The following KCTD1 variants were observed in gnomAD, a reference collection of about 807,000 sequenced individuals.
KCTD1 encodes the protein BTB/POZ domain-containing protein KCTD1.
A neutral mutation model predicts 66.0 loss-of-function variants in KCTD1; 24 were observed. The observed-to-expected ratio is 0.36, with a 90% CI of 0.26 to 0.51. The LOEUF is 0.51. KCTD1 is among the 20% of genes least tolerant of loss of function. The pLI is 0.95. For missense variants in KCTD1, 943 were observed against 1,205.2 expected, an observed-to-expected ratio of 0.78 and a Z score of 3.22; for synonymous variants, 511 against 517.2, an observed-to-expected ratio of 0.99 and a Z score of 0.16.
Position 26,567,556 on chromosome 18 carries a change from C to T in KCTD1, c.-16+61591G>A, listed in dbSNP as rs7240106. On this transcript the variant is annotated intron_variant, in intron 1 of 4. Coordinates refer to the KCTD1 transcript ENST00000317932. ...AGGCTAGAGTGCAGTGGCATGATCT[C>T]GGCTCACTGCAACCTCCGCCTCCTG... is the stretch of plus-strand genomic sequence containing the variant. Among the ~76,000 whole-genome samples the T allele has an allele frequency of 4.7e-3, 709 of 149,722 alleles. 5 individuals carry two copies. The highest frequency in any genetic ancestry group is 0.017 in the African/African-American group (678 of 40,460).
chr18:26,575,364 C>T (rs1986200745), intron 1 of KCTD1: 1 of 152,196 alleles, frequency 6.6e-6, no homozygotes, highest in Admixed American at 6.6e-5. Flanking sequence ...TCCTGGGAAA[C>T]CACATGCAGC....
intron 1 of KCTD1, among the ~76,000 whole-genome samples, chr18:26,510,729 T>TAAAAAAA (rs1983289232): frequency 6.6e-6 from 1 of 152,354 alleles, no homozygotes; most frequent in Non-Finnish European, 1.5e-5. Flanking sequence ...TTCGCATGTT[T>TAAAAAAA]TTTTAAATTA....
In KCTD1 at chr18:26,547,371, G is replaced by C; in HGVS notation, c.1166C>G (p.Ala389Gly). 2 of 1,551,434 alleles carry C rather than the reference G, an allele frequency of 1.3e-6. No individual in the cohort carries two copies. The highest frequency in any genetic ancestry group is 1.7e-6 in the Non-Finnish European group (2 of 1,146,774). The change falls in exon 1 of 5, where the codon GCC becomes GGC. Residue 389 changes from alanine to glycine, a missense_variant. Coordinates refer to ENST00000580059, the MANE Select transcript of KCTD1 (RefSeq NM_001142730.3). ...TTTCGACAGGTACTTGACGAAGCTG[G>C]CGTAGGGGCAGAACTCGGTGCCCGT... Reference protein sequence around the residue: ...YETGTEFCPYASFVKYLSKRN... With the variant: ...YETGTEFCPYGSFVKYLSKRN...
intron 1 of KCTD1, among the ~76,000 whole-genome samples, chr18:26,621,095 A>C (rs1334027483): frequency 6.6e-6 from 1 of 152,184 alleles, no homozygotes; most frequent in Non-Finnish European, 1.5e-5. Context: ...CGCCTCCCAA[A>C]GTGCCGGGAT....
At chr18:26,650,559 G>A (rs1467415429) in intron 1 of KCTD1, among the ~76,000 whole-genome samples, 1 of 152,138 alleles carries the variant, frequency 6.6e-6, no homozygotes, top group Non-Finnish European at 1.5e-5. Flanking sequence ...CTCATTTGTA[G>A]TTCAGAAAAC....
intron 1 of KCTD1, chr18:26,544,492 A>AAG (rs1985121026): frequency 6.6e-6 from 1 of 152,234 alleles, no homozygotes; most frequent in African/African-American, 2.4e-5. Flanking sequence ...GGAATTCCGT[A>AAG]TGACACTACT....
chr18:26,599,841 C>A (rs1986848983), intron 1 of KCTD1: 3 of 1,558,066 alleles, frequency 1.9e-6, no homozygotes, highest in Non-Finnish European at 8.9e-7. Flanking sequence ...TTCGAGAACA[C>A]CTTGGTCATG....
chr18:26,640,633 G>C (rs1434581098), upstream of KCTD1, among the ~76,000 whole-genome samples: 1 of 152,106 alleles, frequency 6.6e-6, no homozygotes, highest in Non-Finnish European at 1.5e-5. Flanking sequence ...GAAAATCATG[G>C]GGATTCTGTA....
intron 1 of KCTD1, among the ~76,000 whole-genome samples, chr18:26,637,900 C>A (rs919000139): frequency 6.6e-6 from 1 of 152,208 alleles, no homozygotes; most frequent in African/African-American, 2.4e-5. Context: ...AAGAGGGTGT[C>A]AGTGCAGTGA....
chr18:26,643,768 C>T (rs1314199344), upstream of KCTD1, among the ~76,000 whole-genome samples: 2 of 152,190 alleles, frequency 1.3e-5, no homozygotes, highest in East Asian at 1.9e-4. Context: ...GGAGACCATC[C>T]TGGCTAACAC....
At chr18:26,601,129 GC>G (rs1986885637) in intron 1 of KCTD1, among the ~76,000 whole-genome samples, 1 of 151,914 alleles carries the variant, frequency 6.6e-6, no homozygotes, top group Admixed American at 6.6e-5. Context: ...CTTTAGAAGA[GC>G]CCAGGTTGAT....
At chr18:26,539,171 G>A (rs1477286436) in intron 1 of KCTD1, among the ~76,000 whole-genome samples, 3 of 152,180 alleles carry the variant, frequency 2.0e-5, no homozygotes, top group African/African-American at 7.2e-5. Context: ...GAATCTGACA[G>A]GCTGGGTTCA....
intron 1 of KCTD1, among the ~76,000 whole-genome samples, chr18:26,503,532 C>T (rs1265118484): frequency 6.6e-6 from 1 of 152,100 alleles, no homozygotes; most frequent in African/African-American, 2.4e-5. Context: ...ACACACCTCC[C>T]TCCCTGTTAC....
intron 1 of KCTD1, among the ~76,000 whole-genome samples, chr18:26,578,057 CTTTTTTT>C (rs11381611): frequency 8.5e-6 from 1 of 117,048 alleles, no homozygotes; most frequent in Non-Finnish European, 1.7e-5. Flanking sequence ...TCTTTTCTTT[CTTTTTTT>C]TTTTTTTTTT....
chr18:26,496,157 AT>A (rs1331739442), intron 2 of KCTD1, among the ~76,000 whole-genome samples: 2 of 152,112 alleles, frequency 1.3e-5, no homozygotes, highest in Admixed American at 1.3e-4. Flanking sequence ...GGTGCCTTGG[AT>A]TTTTGACTAA....
chr18:26,596,846 C>T (rs1483061330), intron 1 of KCTD1, among the ~76,000 whole-genome samples: 1 of 152,268 alleles, frequency 6.6e-6, no homozygotes, highest in Non-Finnish European at 1.5e-5. Context: ...CTCTTCAAGC[C>T]TTGAGTTCCA....
chr18:26,511,398 C>T (rs1983320426), intron 1 of KCTD1, among the ~76,000 whole-genome samples: 1 of 152,220 alleles, frequency 6.6e-6, no homozygotes, highest in Admixed American at 6.5e-5. Flanking sequence ...CCCCCTCTTC[C>T]AGATCCCTCC....
upstream of KCTD1, chr18:26,548,713 G>T: frequency 1.1e-6 from 1 of 903,738 alleles, no homozygotes; most frequent in Non-Finnish European, 1.4e-6. Context: ...GGCGCGCAGG[G>T]GATGGAGGGG....
At chr18:26,557,442 TTG>T (rs1985733557) in intron 1 of KCTD1, among the ~76,000 whole-genome samples, 1 of 152,174 alleles carries the variant, frequency 6.6e-6, no homozygotes, top group African/African-American at 2.4e-5. Context: ...TTTCCTAGAA[TTG>T]TTAGTTTTTA....
Sources: allele counts gnomAD v4.1 joint callset (sites outside exome capture counted in the v4.1 genomes callset), GRCh38; gene constraint gnomAD v4.1.1; transcripts MANE v1.5; gene names NCBI Gene and HGNC (gene_info 2026-07-23, HGNC 2026-07-21).